The following GALNTL6 variants were observed in gnomAD, a reference collection of about 807,000 sequenced individuals.
The protein encoded by GALNTL6 is polypeptide N-acetylgalactosaminyltransferase-like 6.
A neutral mutation model predicts 73.7 loss-of-function variants in GALNTL6; 46 were observed. That is an observed-to-expected ratio of 0.62 (90% CI 0.49 to 0.80). GALNTL6 has a LOEUF of 0.80. Among genes scored for constraint, GALNTL6 ranks in the 30% least tolerant of loss-of-function variants. The pLI, the probability that GALNTL6 is intolerant of heterozygous loss-of-function variation, is 0.00. For missense variants in GALNTL6, 604 were observed against 755.0 expected (o/e 0.80, Z 2.34); for synonymous variants, 259 against 263.7 (o/e 0.98, Z 0.17).
intron 3 of GALNTL6, among the ~76,000 whole-genome samples, chr4:172,301,093 T>C (rs1423343348): frequency 6.6e-6 from 1 of 151,296 alleles, no homozygotes; most frequent in East Asian, 1.9e-4. Context: ...TCTAAACTTC[T>C]CTTCTCTCTT....
At chr4:172,552,380 C>G (rs1046842635) in intron 5 of GALNTL6, among the ~76,000 whole-genome samples, 5 of 152,050 alleles carry the variant, frequency 3.3e-5, no homozygotes, top group African/African-American at 1.2e-4. Flanking sequence ...ATTAAAAGAA[C>G]AATGACTTTG....
At chr4:172,124,500 G>A (rs1459253762) in intron 2 of GALNTL6, among the ~76,000 whole-genome samples, 1 of 152,092 alleles carries the variant, frequency 6.6e-6, no homozygotes, top group African/African-American at 2.4e-5. Flanking sequence ...TCTTTAACCA[G>A]GGTGATAATC....
intron 7 of GALNTL6, among the ~76,000 whole-genome samples, chr4:172,851,417 T>TAC (rs3087059): frequency 6.6e-6 from 1 of 150,786 alleles, no homozygotes; most frequent in Non-Finnish European, 1.5e-5. Context: ...TATATATATA[T>TAC]ACACACACAC....
At chr4:172,324,290 G>A (rs1233599003) in intron 4 of GALNTL6, among the ~76,000 whole-genome samples, 1 of 151,784 alleles carries the variant, frequency 6.6e-6, no homozygotes, top group Non-Finnish European at 1.5e-5. Flanking sequence ...AATGTTACTT[G>A]AACAAACTTA....
At chr4:172,741,300 G>T (rs548097479) in intron 5 of GALNTL6, among the ~76,000 whole-genome samples, 1 of 152,050 alleles carries the variant, frequency 6.6e-6, no homozygotes, top group African/African-American at 2.4e-5. Context: ...TTAAGAAGCC[G>T]GAAGCTGGAA....
chr4:172,239,587 G>A (rs1300277231), intron 3 of GALNTL6, among the ~76,000 whole-genome samples: 3 of 151,156 alleles, frequency 2.0e-5, no homozygotes, highest in Admixed American at 1.3e-4. Context: ...AATTTCATTC[G>A]GTTCTGCTCC....
At chr4:172,633,663 C>T (rs1392911120) in intron 5 of GALNTL6, among the ~76,000 whole-genome samples, 4 of 152,080 alleles carry the variant, frequency 2.6e-5, no homozygotes, top group Non-Finnish European at 5.9e-5. Flanking sequence ...GATTGGTTTT[C>T]GAATGTGAGG....
rs371751865 is a variant in GALNTL6 at position 172,818,504 on chromosome 4, A to G, written c.923+4781A>G. Among the ~76,000 whole-genome samples the G allele has an allele frequency of 5.9e-5, 9 of 152,318 alleles. 1 individual carries two copies. In the East Asian group the frequency reaches 1.2e-3, roughly 20 times the overall value. ...TTCTTGCCTAGACTTATTAGTGAGA[A>G]CTGACATTCTCTATTTTCCATCTAT... is the stretch of plus-strand genomic sequence containing the variant. On this transcript the variant is annotated intron_variant, in intron 7 of 12. Coordinates refer to ENST00000506823, the MANE Select transcript of GALNTL6 (RefSeq NM_001034845.3).
intron 2 of GALNTL6, among the ~76,000 whole-genome samples, chr4:172,035,319 G>A (rs1237355993): frequency 6.6e-6 from 1 of 152,036 alleles, no homozygotes; most frequent in Non-Finnish European, 1.5e-5. Flanking sequence ...GCTAAAATAT[G>A]AAAGAAACCA....
intron 2 of GALNTL6, among the ~76,000 whole-genome samples, chr4:172,183,272 A>G (rs1735311425): frequency 6.6e-6 from 1 of 152,238 alleles, no homozygotes; most frequent in Non-Finnish European, 1.5e-5. Flanking sequence ...AAAACGATGA[A>G]TAACATTACC....
rs149356407 is a variant in GALNTL6 at position 173,033,884 on chromosome 4, C to A, written c.1639-6049C>A. Among the ~76,000 whole-genome samples, 6 of 152,234 alleles carry A rather than the reference C, an allele frequency of 3.9e-5. No homozygotes were observed. The East Asian group carries it at 1.2e-3, about 29-fold the overall frequency. ...TGGAAATTGATAGGAGGGGGTAACT[C>A]GAGTCTCCCAACTTGACACAGAGGA... On this transcript the variant is annotated intron_variant, in intron 12 of 12. Coordinates refer to ENST00000506823, the MANE Select transcript of GALNTL6 (RefSeq NM_001034845.3).
intron 9 of GALNTL6, among the ~76,000 whole-genome samples, chr4:172,949,359 A>C (rs1749327274): frequency 6.6e-6 from 1 of 152,210 alleles, no homozygotes; most frequent in Non-Finnish European, 1.5e-5. Context: ...GCAAGCTACT[A>C]GAATTTTAAA....
chr4:172,308,003 C>CTTGTTTTTTTTTTTTTT (rs1740206644), intron 3 of GALNTL6, among the ~76,000 whole-genome samples: 1 of 34,588 alleles, frequency 2.9e-5, no homozygotes. Flanking sequence ...TGTGTTTTAA[C>CTTGTTTTTTTTTTTTTT]TTTTTTTTTT....
intron 5 of GALNTL6, among the ~76,000 whole-genome samples, chr4:172,539,031 C>A (rs1187182565): frequency 2.0e-5 from 3 of 152,128 alleles, no homozygotes; most frequent in Non-Finnish European, 4.4e-5. Context: ...GGAAGAATGT[C>A]ATCAGAGTCA....
intron 2 of GALNTL6, among the ~76,000 whole-genome samples, chr4:171,976,025 A>G (rs1414275276): frequency 6.6e-6 from 1 of 152,104 alleles, no homozygotes; most frequent in African/African-American, 2.4e-5. Flanking sequence ...CAGGTTCAAG[A>G]TATTTTCCTG....
In GALNTL6 at chr4:172,319,004, G is replaced by A. The variant is rs148398021; in HGVS notation, c.386+7252G>A. Among the ~76,000 whole-genome samples, 126 of 152,108 alleles carry A rather than the reference G, an allele frequency of 8.3e-4. 2 individuals carry two copies. The South Asian group carries it at 0.016, about 19-fold the overall frequency. On this transcript the variant is annotated intron_variant, in intron 4 of 12. Coordinates refer to ENST00000506823, the MANE Select transcript of GALNTL6 (RefSeq NM_001034845.3). Reference sequence around the variant, plus strand: ...CTGAAAATTTGATGTAATCATATACGTTGCTCTGTAAGGTTTATCTAGCAA... The same window carrying A: ...CTGAAAATTTGATGTAATCATATACATTGCTCTGTAAGGTTTATCTAGCAA...
intron 5 of GALNTL6, among the ~76,000 whole-genome samples, chr4:172,798,750 C>T (rs1347801890): frequency 2.0e-5 from 3 of 152,016 alleles, no homozygotes; most frequent in Non-Finnish European, 4.4e-5. Context: ...ACTATATAAC[C>T]TGATGTTTGG....
intron 5 of GALNTL6, among the ~76,000 whole-genome samples, chr4:172,656,212 C>G (rs1203859578): frequency 1.3e-5 from 2 of 152,118 alleles, no homozygotes; most frequent in South Asian, 2.1e-4. Context: ...TGCCGAAGTT[C>G]AATCTGATTG....
chr4:171,915,728 A>G (rs1578968518), intron 2 of GALNTL6, among the ~76,000 whole-genome samples: 1 of 152,160 alleles, frequency 6.6e-6, no homozygotes. Flanking sequence ...TTTAGTGTCA[A>G]AAAAAGTAAC....
Sources: allele counts gnomAD v4.1 joint callset (sites outside exome capture counted in the v4.1 genomes callset), GRCh38; gene constraint gnomAD v4.1.1; transcripts MANE v1.5; gene names NCBI Gene and HGNC (gene_info 2026-07-23, HGNC 2026-07-21).